Variants in PLXDC2 observed in about 807,000 individuals in gnomAD.
The protein encoded by PLXDC2 is plexin domain-containing protein 2.
PLXDC2 carries 40 observed loss-of-function variants against 68.9 expected under a neutral mutation model. That is an observed-to-expected ratio of 0.58 (90% CI 0.45 to 0.76). The LOEUF is 0.76. Ranked by LOEUF, PLXDC2 falls within the 30% of genes least tolerant of loss-of-function variation. The pLI, the probability that PLXDC2 is intolerant of heterozygous loss-of-function variation, is 0.00. For missense variants in PLXDC2, 644 were observed against 661.9 expected (o/e 0.97, Z 0.30); for synonymous variants, 243 against 234.2 (o/e 1.04, Z -0.34).
intron 2 of PLXDC2, among the ~76,000 whole-genome samples, chr10:20,015,382 G>A (rs1174033896): frequency 6.6e-6 from 1 of 152,102 alleles, no homozygotes; most frequent in African/African-American, 2.4e-5. Context: ...GTGAGTTTGT[G>A]TATGTTTGTA....
intron 1 of PLXDC2, among the ~76,000 whole-genome samples, chr10:19,846,795 A>G (rs2131322563): frequency 6.6e-6 from 1 of 152,280 alleles, no homozygotes; most frequent in African/African-American, 2.4e-5. Context: ...AGCTTCCTGT[A>G]TTTGTCTGTT....
Position 20,047,853 on chromosome 10 carries a change from G to A in PLXDC2, c.471+838G>A, listed in dbSNP as rs1272056433. Among the ~76,000 whole-genome samples, 2 of 152,144 alleles carry A rather than the reference G, an allele frequency of 1.3e-5. 1 individual carries two copies. The highest frequency in any genetic ancestry group is 3.9e-4 in the East Asian group (2 of 5,188). On this transcript the variant is annotated intron_variant, in intron 3 of 13. Transcript: ENST00000377252. Reference sequence around the variant, plus strand: ...CTCCACTAGAAAGTGGTAAACTGAGGTGTTAACCTAGGTAGCAAAGCTGAT... The same window carrying A: ...CTCCACTAGAAAGTGGTAAACTGAGATGTTAACCTAGGTAGCAAAGCTGAT...
At chr10:20,087,890 A>G (rs2131727654) in intron 4 of PLXDC2, among the ~76,000 whole-genome samples, 1 of 152,252 alleles carries the variant, frequency 6.6e-6, no homozygotes, top group East Asian at 1.9e-4. Flanking sequence ...GAACCTCCCC[A>G]GTGTTTTAAT....
At chr10:20,216,750 T>A (rs1363035283) in intron 10 of PLXDC2, among the ~76,000 whole-genome samples, 1 of 152,120 alleles carries the variant, frequency 6.6e-6, no homozygotes, top group Non-Finnish European at 1.5e-5. Flanking sequence ...CCAGTGAAGG[T>A]TGTAGGATTT....
intron 2 of PLXDC2, among the ~76,000 whole-genome samples, chr10:20,005,187 A>G (rs1835008138): frequency 6.6e-6 from 1 of 152,336 alleles, no homozygotes; most frequent in Non-Finnish European, 1.5e-5. Flanking sequence ...AAGGAAAGAC[A>G]AATGACACTT....
At chr10:20,130,930 G>A (rs538347583) in intron 4 of PLXDC2, among the ~76,000 whole-genome samples, 9 of 152,156 alleles carry the variant, frequency 5.9e-5, no homozygotes, top group Non-Finnish European at 1.3e-4. Context: ...ATATTGACCT[G>A]TAGTTTTCTT....
At chr10:20,029,937 A>C (rs1471256122) in intron 2 of PLXDC2, among the ~76,000 whole-genome samples, 4 of 152,198 alleles carry the variant, frequency 2.6e-5, no homozygotes. Context: ...TCCCTCTTCT[A>C]AGATGTGATC....
intron 4 of PLXDC2, among the ~76,000 whole-genome samples, chr10:20,121,594 G>T (rs1833698455): frequency 6.6e-6 from 1 of 152,166 alleles, no homozygotes; most frequent in South Asian, 2.1e-4. Flanking sequence ...CTAAGTGAAA[G>T]CGAAGAGAGG....
intron 13 of PLXDC2, among the ~76,000 whole-genome samples, chr10:20,269,125 A>C (rs1027390493): frequency 3.9e-5 from 6 of 152,212 alleles, no homozygotes; most frequent in African/African-American, 1.4e-4. Flanking sequence ...GGTATAACTA[A>C]GGTAAACATA....
chr10:20,014,188 CCTCCCTTGT>C (rs1248315530), intron 2 of PLXDC2, among the ~76,000 whole-genome samples: 2 of 151,314 alleles, frequency 1.3e-5, no homozygotes, highest in Non-Finnish European at 3.0e-5. Context: ...TCCCTCCCTC[CCTCCCTTGT>C]TTCCTTCCTT....
rs1314388303 is a variant in PLXDC2 at position 20,158,287 on chromosome 10, A to C, written c.784-6181A>C. Among the ~76,000 whole-genome samples, 3 of 152,100 alleles carry C rather than the reference A, an allele frequency of 2.0e-5. 1 individual carries two copies. Among genetic ancestry groups the C allele is most frequent in the Admixed American group, 2.0e-4 (3 of 15,268 alleles). ...ACTTTGGCACTTCATATCCTTCTAA[A>C]TACAGAGTCTTCTATAAAATACGTG... On this transcript the variant is annotated intron_variant, in intron 6 of 13. Transcript: ENST00000377252.
intron 1 of PLXDC2, among the ~76,000 whole-genome samples, chr10:19,993,931 G>C (rs552278916): frequency 2.4e-4 from 37 of 152,314 alleles, no homozygotes; most frequent in African/African-American, 8.4e-4. Context: ...GGCCTGCATG[G>C]TTCTAATTCT....
intron 1 of PLXDC2, among the ~76,000 whole-genome samples, chr10:19,943,974 A>C (rs557184998): frequency 6.6e-6 from 1 of 152,320 alleles, no homozygotes; most frequent in African/African-American, 2.4e-5. Context: ...GCTTGGTATT[A>C]ATTCTTACTA....
chr10:20,088,242 C>T (rs1355647486), intron 4 of PLXDC2, among the ~76,000 whole-genome samples: 1 of 152,130 alleles, frequency 6.6e-6, no homozygotes, highest in African/African-American at 2.4e-5. Flanking sequence ...TGTGCCAATG[C>T]TTATTTTACA....
chr10:20,111,323 A>G (rs115896119), intron 4 of PLXDC2, among the ~76,000 whole-genome samples: 1,861 of 152,316 alleles, frequency 0.012, 41 homozygotes, highest in African/African-American at 0.043. Context: ...TAATGATTCA[A>G]TGACTCTATT....
At chr10:20,208,542 A>T (rs1835024120) in intron 9 of PLXDC2, among the ~76,000 whole-genome samples, 1 of 152,186 alleles carries the variant, frequency 6.6e-6, no homozygotes, top group Non-Finnish European at 1.5e-5. Flanking sequence ...ATATGTTTAT[A>T]TGTTAACATT....
chr10:20,242,473 G>A (rs1835529692), intron 12 of PLXDC2, among the ~76,000 whole-genome samples: 1 of 152,188 alleles, frequency 6.6e-6, no homozygotes, highest in Non-Finnish European at 1.5e-5. Context: ...GCGTTTTGGA[G>A]ATAAGGTTAA....
At chr10:19,960,214 A>C (rs1051732550) in intron 1 of PLXDC2, among the ~76,000 whole-genome samples, 1 of 125,818 alleles carries the variant, frequency 7.9e-6, no homozygotes, top group Non-Finnish European at 1.7e-5. Flanking sequence ...AAAAAAAAAA[A>C]ATTAGCCAGG....
intron 6 of PLXDC2, among the ~76,000 whole-genome samples, chr10:20,156,444 C>T (rs893079483): frequency 2.6e-5 from 4 of 152,134 alleles, no homozygotes; most frequent in African/African-American, 9.7e-5. Flanking sequence ...TCGGAAAGCC[C>T]TGGAAGCCCT....
Sources: allele counts gnomAD v4.1 joint callset (sites outside exome capture counted in the v4.1 genomes callset), GRCh38; gene constraint gnomAD v4.1.1; transcripts MANE v1.5; gene names NCBI Gene and HGNC (gene_info 2026-07-23, HGNC 2026-07-21).